The following CCL2 variants were observed in gnomAD, a reference collection of about 807,000 sequenced individuals.
The protein encoded by CCL2 is C-C motif chemokine ligand 2, also known as C-C motif chemokine 2.
A neutral mutation model predicts 6.7 loss-of-function variants in CCL2; 2 were observed. The ratio of observed to expected loss-of-function variants is 0.30; its 90% confidence interval spans 0.12 to 0.94. The LOEUF is 0.94. CCL2 is among the 40% of genes least tolerant of loss of function. The pLI is 0.54. For missense variants in CCL2, 89 were observed against 119.3 expected, an observed-to-expected ratio of 0.75 and a Z score of 1.18; for synonymous variants, 43 against 45.2, an observed-to-expected ratio of 0.95 and a Z score of 0.19.
chr17:34,256,323 C>A lies in CCL2; in HGVS notation c.178C>A (p.Pro60Thr). 6.2e-7 allele frequency: 1 copy of A among 1,612,094 alleles called. No homozygotes were observed. Among genetic ancestry groups the A allele is most frequent in the Non-Finnish European group, 8.5e-7 (1 of 1,178,164 alleles). Residue 60 changes from proline (P) to threonine (T), a missense_variant, in exon 2 of 3, where the codon CCC becomes ACC. Physicochemically the swap from Pro to Thr is conservative, Grantham distance 38. Transcript: ENST00000225831. ...SYRRITSSKC[P>T]KEAVIFKTIV... is the part of the protein sequence containing the mutation. ...TAGAAGAATCACCAGCAGCAAGTGTCCCAAAGAAGCTGTGATGTGAGTTCA... is the reference window on the plus strand; with the variant it reads ...TAGAAGAATCACCAGCAGCAAGTGTACCAAAGAAGCTGTGATGTGAGTTCA...
intron 2 of CCL2, 152 bp from the exon 3 acceptor site, chr17:34,256,569 TG>T: frequency 1.6e-6 from 1 of 625,276 alleles, no homozygotes; most frequent in Non-Finnish European, 2.9e-6. Context: ...TGGCTCCACC[TG>T]GACACCTATA....
chr17:34,255,515 G>T, intron 1 of CCL2, 90 bp downstream of exon 1: 14 of 1,133,030 alleles, frequency 1.2e-5, no homozygotes, highest in Non-Finnish European at 1.8e-5. Context: ...CCACAGTCTT[G>T]CTTTAACGCT....
chr17:34,255,529 T>C, intron 1 of CCL2, 104 bp downstream of exon 1: 1 of 1,002,802 alleles, frequency 1.0e-6, no homozygotes, highest in Non-Finnish European at 1.5e-6. Flanking sequence ...TAACGCTACT[T>C]TTCCAAGATA....
At chr17:34,256,037 A>G (rs920819289) in intron 1 of CCL2, 185 bp from the exon 2 acceptor site, 33 of 561,356 alleles carry the variant, frequency 5.9e-5, no homozygotes, top group African/African-American at 5.8e-4. Context: ...CAGCATAGGA[A>G]ACTGAGTCAT....
chr17:34,256,494 C>A, intron 2 of CCL2, 155 bp downstream of exon 2: 1 of 639,812 alleles, frequency 1.6e-6, no homozygotes, highest in East Asian at 2.7e-5. Flanking sequence ...AAAGTGAACC[C>A]CAACATCACT....
intron 2 of CCL2, 50 bp downstream of exon 2, chr17:34,256,389 G>T: frequency 8.2e-7 from 1 of 1,212,674 alleles, no homozygotes; most frequent in Non-Finnish European, 1.2e-6. Flanking sequence ...TCCTTGTGGA[G>T]CAAGGGACAA....
chr17:34,256,529 C>T (rs1366452152), intron 2 of CCL2, 190 bp downstream of exon 2: 1 of 617,212 alleles, frequency 1.6e-6, no homozygotes, highest in Admixed American at 2.9e-5. Context: ...CTATTCAGAA[C>T]ACCCCAATTT....
In CCL2 at chr17:34,255,313, C is replaced by G. The variant is rs369439824; in HGVS notation, c.-37C>G. On this transcript the variant is annotated 5_prime_UTR_variant, in exon 1 of 3. Transcript: ENST00000225831. ...AGGCTGAGACTAACCCAGAAACATCCAATTCTCAAACTGAAGCTCGCACTC... is the reference window on the plus strand; with the variant it reads ...AGGCTGAGACTAACCCAGAAACATCGAATTCTCAAACTGAAGCTCGCACTC... 1.3e-6 allele frequency: 2 copies of G among 1,592,694 alleles called. No individual in the cohort carries two copies. The highest frequency in any genetic ancestry group is 1.7e-6 in the Non-Finnish European group (2 of 1,161,254).
chr17:34,256,517 G>A (rs937209119), intron 2 of CCL2, 178 bp downstream of exon 2: 12 of 620,752 alleles, frequency 1.9e-5, no homozygotes, highest in Middle Eastern at 4.1e-4. Context: ...CCACCTGGGT[G>A]CCTATTCAGA....
chr17:34,256,380 C>A (rs1324433363), intron 2 of CCL2, 41 bp downstream of exon 2: 4 of 1,308,596 alleles, frequency 3.1e-6, no homozygotes, highest in Non-Finnish European at 4.4e-6. Context: ...TGAAGTTCTT[C>A]CTTGTGGAGC....
Position 34,256,305 on chromosome 17 carries a change from A to G in CCL2, c.160A>G (p.Ile54Val), listed in dbSNP as rs764759504. The change falls in exon 2 of 3, where the codon ATC becomes GTC. Residue 54 changes from isoleucine to valine, a missense_variant. Transcript: ENST00000225831. ...GCAGAGGCTCGCGAGCTATAGAAGA[A>G]TCACCAGCAGCAAGTGTCCCAAAGA... ...SVQRLASYRR[I>V]TSSKCPKEAV... 6.2e-7 allele frequency: 1 copy of G among 1,613,828 alleles called. No individual in the cohort carries two copies. The highest frequency in any genetic ancestry group is 1.1e-5 in the South Asian group (1 of 91,066).
chr17:34,255,759 C>A (rs13306748), intron 1 of CCL2: 5 of 309,904 alleles, frequency 1.6e-5, no homozygotes, highest in Middle Eastern at 9.2e-4. Context: ...TCCAGACACG[C>A]TGGAGACCCA....
intron 1 of CCL2, chr17:34,255,963 C>T: frequency 2.5e-6 from 1 of 404,010 alleles, no homozygotes; most frequent in Middle Eastern, 6.5e-4. Flanking sequence ...CACTTGTAGG[C>T]ATTATCTAGC....
intron 1 of CCL2, 102 bp from the exon 2 acceptor site, chr17:34,256,117 TCTC>T: frequency 1.4e-6 from 1 of 739,390 alleles, no homozygotes; most frequent in South Asian, 1.7e-5. Flanking sequence ...CTCTTTGTCT[TCTC>T]CTGCCTGCCT....
At position 34,256,818 on chromosome 17, in the gene CCL2, G is replaced by A. The variant is rs368861512; in HGVS notation, c.291G>A (p.Pro97=). The part of the protein sequence containing the change: ...MDHLDKQTQT[P]KT Reference sequence around the variant, plus strand: ...ACCTGGACAAGCAAACCCAAACTCCGAAGACTTGAACACTCACTCCACAAC... The same window carrying A: ...ACCTGGACAAGCAAACCCAAACTCCAAAGACTTGAACACTCACTCCACAAC... The change falls in exon 3 of 3, where the codon CCG becomes CCA. Residue 97 remains proline, a synonymous_variant. Coordinates refer to ENST00000225831, the MANE Select transcript of CCL2 (RefSeq NM_002982.4). The A allele has an allele frequency of 8.0e-5, 129 of 1,610,822 alleles. No homozygotes were observed. In the Middle Eastern group the frequency reaches 8.3e-4, roughly 10 times the overall value.
At chr17:34,255,753 G>T in intron 1 of CCL2, 2 of 316,394 alleles carry the variant, frequency 6.3e-6, no homozygotes, top group Non-Finnish European at 1.2e-5. Context: ...GCTGTTTCCA[G>T]ACACGCTGGA....
At chr17:34,255,865 T>G in intron 1 of CCL2, 1 of 273,850 alleles carries the variant, frequency 3.7e-6, no homozygotes, top group South Asian at 6.6e-5. Context: ...GCATAGCCTA[T>G]TCAGAGTCTA....
At chr17:34,256,532 C>A (rs1170651964) in intron 2 of CCL2, 190 bp from the exon 3 acceptor site, 1 of 615,384 alleles carries the variant, frequency 1.6e-6, no homozygotes, top group Non-Finnish European at 2.9e-6. Context: ...TTCAGAACAC[C>A]CCAATTTCTT....
chr17:34,256,991 C>A lies in CCL2; in HGVS notation c.*164C>A. The A allele has an allele frequency of 1.9e-6, 1 of 536,220 alleles. No homozygotes were observed. Among genetic ancestry groups the A allele is most frequent in the East Asian group, 3.0e-5 (1 of 33,300 alleles). The allele number at this position is 536,220 out of a possible 1,614,324, so 33.2% of individuals were successfully genotyped here. The stretch of plus-strand genomic sequence containing the variant: ...TAAGTTATTGATGTTTTAAGTTTAT[C>A]TTTCATGGTACTAGTGTTTTTTAGA... On this transcript the variant is annotated 3_prime_UTR_variant, in exon 3 of 3. Coordinates refer to ENST00000225831, the MANE Select transcript of CCL2 (RefSeq NM_002982.4).
Sources: gnomAD v4.1 joint callset for allele counts on GRCh38, gnomAD v4.1.1 for gene constraint, MANE v1.5 for transcripts, NCBI Gene and HGNC (gene_info 2026-07-23, HGNC 2026-07-21) for gene names.